The following NDUFAF2 variants were observed in gnomAD, a reference collection of about 807,000 sequenced individuals.
NDUFAF2 encodes the protein NADH:ubiquinone oxidoreductase complex assembly factor 2.
Under a neutral mutation model 22.8 loss-of-function variants are expected in NDUFAF2, and 13 were observed. That is an observed-to-expected ratio of 0.57 (90% CI 0.37 to 0.91). The LOEUF (loss-of-function observed/expected upper bound fraction) is 0.91, where lower values mean the gene tolerates loss of function less well. NDUFAF2 is among the 40% of genes least tolerant of loss of function. The pLI is 0.01. For missense variants in NDUFAF2, 162 were observed against 195.2 expected (o/e 0.83, Z 1.01); for synonymous variants, 53 against 64.2 (o/e 0.83, Z 0.84).
chr5:61,109,384 A>G (rs1301673228), intron 3 of NDUFAF2, among the ~76,000 whole-genome samples: 3 of 152,192 alleles, frequency 2.0e-5, no homozygotes, highest in Admixed American at 6.5e-5. Context: ...ACAAGATTAT[A>G]TTGCCTACAA....
chr5:61,064,458 A>G, intron 1 of NDUFAF2, among the ~76,000 whole-genome samples: 1 of 152,132 alleles, frequency 6.6e-6, no homozygotes, highest in East Asian at 1.9e-4. Flanking sequence ...TTGCTCTAGC[A>G]CACATGCATA....
At chr5:61,061,938 A>G (rs1295096075) in intron 1 of NDUFAF2, among the ~76,000 whole-genome samples, 3 of 152,208 alleles carry the variant, frequency 2.0e-5, no homozygotes, top group Non-Finnish European at 4.4e-5. Flanking sequence ...ACCTGAAGTT[A>G]TTTCCAACAT....
chr5:61,036,564 T>G (rs1751803270), intron 1 of NDUFAF2, among the ~76,000 whole-genome samples: 3 of 152,196 alleles, frequency 2.0e-5, no homozygotes, highest in Non-Finnish European at 4.4e-5. Flanking sequence ...AATTAGGTAA[T>G]TTGAAGACTG....
intron 3 of NDUFAF2, among the ~76,000 whole-genome samples, chr5:61,132,409 C>G (rs1753123597): frequency 6.6e-6 from 1 of 152,134 alleles, no homozygotes; most frequent in Admixed American, 6.6e-5. Flanking sequence ...CCTCCCCCAC[C>G]TCCTTTGAGA....
intron 1 of NDUFAF2, among the ~76,000 whole-genome samples, chr5:61,017,337 G>A (rs1260600055): frequency 6.6e-6 from 1 of 151,832 alleles, no homozygotes; most frequent in African/African-American, 2.4e-5. Context: ...TAGAAGCTTT[G>A]AACTAAAAAT....
chr5:61,147,170 A>G (rs1476193068), intron 3 of NDUFAF2, among the ~76,000 whole-genome samples: 1 of 151,866 alleles, frequency 6.6e-6, no homozygotes, highest in African/African-American at 2.4e-5. Context: ...TTAGTATCTC[A>G]GTTGTGTTGT....
chr5:61,041,373 T>C (rs982548640), intron 1 of NDUFAF2, among the ~76,000 whole-genome samples: 1 of 152,112 alleles, frequency 6.6e-6, no homozygotes, highest in Non-Finnish European at 1.5e-5. Context: ...CCAATAGAGG[T>C]ACTAATGACT....
chr5:61,135,056 A>G (rs1217526105), intron 3 of NDUFAF2, among the ~76,000 whole-genome samples: 2 of 152,036 alleles, frequency 1.3e-5, no homozygotes, highest in South Asian at 4.2e-4. Context: ...ACCAAAGCTT[A>G]TAGCATAAAA....
chr5:60,968,667 A>AG (rs1750789318), intron 1 of NDUFAF2, among the ~76,000 whole-genome samples: 1 of 152,010 alleles, frequency 6.6e-6, no homozygotes, highest in African/African-American at 2.4e-5. Context: ...TAATCAAATC[A>AG]GGGGTATTCA....
intron 1 of NDUFAF2, among the ~76,000 whole-genome samples, chr5:61,066,026 C>CA (rs576561550): frequency 6.4e-4 from 97 of 151,352 alleles, no homozygotes; most frequent in South Asian, 3.7e-3. Context: ...AATTAGCATA[C>CA]AAAAAAAATC....
chr5:60,982,682 G>C (rs926176904), intron 1 of NDUFAF2, among the ~76,000 whole-genome samples: 1 of 151,590 alleles, frequency 6.6e-6, no homozygotes, highest in Non-Finnish European at 1.5e-5. Context: ...AGTTTACTGA[G>C]AATGATGGTT....
intron 1 of NDUFAF2, among the ~76,000 whole-genome samples, chr5:60,971,538 C>T (rs1405923172): frequency 2.6e-5 from 4 of 152,010 alleles, no homozygotes; most frequent in South Asian, 2.1e-4. Flanking sequence ...CCGCCCGCCT[C>T]GGCCTCCCAA....
At chr5:61,003,323 A>G (rs974886897) in intron 1 of NDUFAF2, among the ~76,000 whole-genome samples, 1 of 152,134 alleles carries the variant, frequency 6.6e-6, no homozygotes, top group Admixed American at 6.6e-5. Context: ...TATAATTCTA[A>G]GAATATTGTC....
At chr5:60,978,252 G>A (rs1255287610) in intron 1 of NDUFAF2, among the ~76,000 whole-genome samples, 1 of 147,248 alleles carries the variant, frequency 6.8e-6, no homozygotes, top group Non-Finnish European at 1.5e-5. Context: ...GTTGTGGCAA[G>A]CCTTGATACT....
At chr5:61,083,215 T>G (rs1309038966) in intron 2 of NDUFAF2, 1 of 51,090 alleles carries the variant, frequency 2.0e-5, no homozygotes, top group Non-Finnish European at 4.8e-5. Flanking sequence ...TTTAATGTTG[T>G]TTTTTTTTTC....
At chr5:61,022,579 C>T (rs1751597832) in intron 1 of NDUFAF2, among the ~76,000 whole-genome samples, 1 of 152,054 alleles carries the variant, frequency 6.6e-6, no homozygotes, top group African/African-American at 2.4e-5. Flanking sequence ...CTGACCTGTC[C>T]TTTGCTGGTT....
chr5:61,126,122 C>CT (rs1245717410), intron 3 of NDUFAF2, among the ~76,000 whole-genome samples: 1 of 151,926 alleles, frequency 6.6e-6, no homozygotes, highest in Non-Finnish European at 1.5e-5. Flanking sequence ...ATATGTTTTT[C>CT]TTTCATTCGT....
At chr5:61,069,354 C>T (rs1752267910) in intron 1 of NDUFAF2, among the ~76,000 whole-genome samples, 2 of 152,140 alleles carry the variant, frequency 1.3e-5, no homozygotes, top group South Asian at 4.1e-4. Flanking sequence ...CCTGTCTCTA[C>T]AACCCAGTGT....
chr5:61,114,455 T>C (rs538227909), intron 3 of NDUFAF2: 1 of 152,324 alleles, frequency 6.6e-6, no homozygotes, highest in East Asian at 1.9e-4. Context: ...TTGAATTTCA[T>C]TGAGCTTCCT....
Sources: gnomAD v4.1 joint callset for allele counts (sites outside exome capture counted in the v4.1 genomes callset) on GRCh38, gnomAD v4.1.1 for gene constraint, MANE v1.5 for transcripts, NCBI Gene and HGNC (gene_info 2026-07-23, HGNC 2026-07-21) for gene names.